The following NWD1 variants were observed in gnomAD, a reference collection of about 807,000 sequenced individuals.
NWD1 encodes the protein NACHT and WD repeat domain containing 1, also known as NACHT domain- and WD repeat-containing protein 1.
NWD1 carries 129 observed loss-of-function variants against 135.1 expected under a neutral mutation model. The observed-to-expected ratio is 0.96, with a 90% CI of 0.83 to 1.11. The LOEUF (loss-of-function observed/expected upper bound fraction) is 1.11. NWD1 is among the 50% of genes least tolerant of loss of function. The probability of loss-of-function intolerance (pLI) is 0.00; values close to 1 mark genes in which losing one functional copy is unlikely to be tolerated. For synonymous variants in NWD1, 773 were observed against 786.0 expected, an observed-to-expected ratio of 0.98 and a Z score of 0.28; for missense variants, 1,740 against 1,851.3, an observed-to-expected ratio of 0.94 and a Z score of 1.10.
chr19:16,746,962 C>T (rs967693633), intron 5 of NWD1, among the ~76,000 whole-genome samples: 1 of 151,964 alleles, frequency 6.6e-6, no homozygotes, highest in Non-Finnish European at 1.5e-5. Flanking sequence ...GTAGTTCAAG[C>T]CCATGTTCTT....
At chr19:16,745,537 T>C (rs1056744113) in intron 5 of NWD1, among the ~76,000 whole-genome samples, 2 of 148,454 alleles carry the variant, frequency 1.3e-5, no homozygotes, top group African/African-American at 5.0e-5. Context: ...GAGACCAGCC[T>C]GGGCAATATA....
chr19:16,721,889 T>C (rs1326377522), intron 1 of NWD1, among the ~76,000 whole-genome samples: 3 of 152,110 alleles, frequency 2.0e-5, no homozygotes, highest in African/African-American at 4.8e-5. Context: ...GGCAGGAGGA[T>C]GGCTTGAGGC....
rs752834055 is a variant in NWD1, at chr19:16,762,185, C to T, written c.2133+47C>T. ...TTCCCCACCTGCAACCTCCACCCTG[C>T]CTGGCATTGCTCACCTCCTTCCTTC... is the stretch of plus-strand genomic sequence containing the variant. On this transcript the variant is annotated intron_variant, in intron 8 of 18. Transcript: ENST00000524140. The T allele has an allele frequency of 1.1e-5, 17 of 1,565,596 alleles. No homozygotes were observed. In the East Asian group the frequency reaches 3.6e-4, roughly 34 times the overall value.
intron 7 of NWD1, among the ~76,000 whole-genome samples, chr19:16,760,482 G>T (rs1221179359): frequency 2.0e-5 from 3 of 151,836 alleles, no homozygotes; most frequent in Admixed American, 2.0e-4. Flanking sequence ...CTGGTCTCGA[G>T]CTCCTGGGCT....
At chr19:16,731,090 G>A (rs942111757) in intron 2 of NWD1, 102 bp from the exon 3 acceptor site, 2 of 644,736 alleles carry the variant, frequency 3.1e-6, no homozygotes, top group African/African-American at 1.9e-5. Flanking sequence ...ACAAAAAAGG[G>A]GAAAAAAGAC....
intron 16 of NWD1, 54 bp from the exon 17 acceptor site, chr19:16,799,832 A>G: frequency 6.6e-7 from 1 of 1,511,056 alleles, no homozygotes; most frequent in Non-Finnish European, 8.9e-7. Context: ...GTATTTCTGA[A>G]CTATAGTTGT....
intron 7 of NWD1, 55 bp downstream of exon 7, chr19:16,759,483 G>A (rs1968928838): frequency 7.5e-7 from 1 of 1,332,102 alleles, no homozygotes; most frequent in Non-Finnish European, 1.0e-6. Context: ...CCAAGAATGA[G>A]GACTCACTGG....
rs184957341 is a variant in NWD1 at position 16,808,136 on chromosome 19, G to T, written c.4287G>T (p.Thr1429=). Residue 1429 remains threonine, a splice_region_variant and synonymous_variant, in exon 18 of 19, where the codon ACG becomes ACT. Transcript: ENST00000524140. ...AGTGGAAATTCGAGATGAGCTACAC[G>T]GTGGGTGGCCCGCCTCCCCATGTTC... ...ARKWKFEMSY[T]APC 3.3e-5 allele frequency: 53 copies of T among 1,612,170 alleles called. No individual in the cohort carries two copies. In the East Asian group the frequency reaches 1.1e-3, roughly 34 times the overall value.
intron 10 of NWD1, among the ~76,000 whole-genome samples, chr19:16,770,399 T>C (rs1368223107): frequency 6.6e-6 from 1 of 152,108 alleles, no homozygotes; most frequent in Non-Finnish European, 1.5e-5. Flanking sequence ...CCACCGTGAT[T>C]GTAAGTTTCC....
chr19:16,748,850 T>G (rs377278485), intron 5 of NWD1, among the ~76,000 whole-genome samples: 10 of 150,376 alleles, frequency 6.7e-5, no homozygotes, highest in Admixed American at 1.3e-4. Context: ...AGAAGAAGAA[T>G]AAGAGTAATG....
chr19:16,763,603 T>C (rs556219419), intron 8 of NWD1, among the ~76,000 whole-genome samples: 1 of 152,296 alleles, frequency 6.6e-6, no homozygotes, highest in South Asian at 2.1e-4. Context: ...AAACATTCCC[T>C]ATTCCTCCCA....
In NWD1 at chr19:16,779,320, C is replaced by T. The variant is rs755023343; in HGVS notation, c.2609-23C>T. ...TTGGACACAGGAACTGAGATCATTG[C>T]TGTTGCCTCTGTGTGGCTGCAGGCA... is the stretch of plus-strand genomic sequence containing the variant. On this transcript the variant is annotated intron_variant, in intron 11 of 18. Transcript: ENST00000524140. The T allele has an allele frequency of 3.7e-6, 6 of 1,613,246 alleles. No individual in the cohort carries two copies. The South Asian group carries it at 6.6e-5, about 18-fold the overall frequency.
At chr19:16,737,236 C>A (rs1317508195) in intron 4 of NWD1, among the ~76,000 whole-genome samples, 1 of 152,042 alleles carries the variant, frequency 6.6e-6, no homozygotes, top group African/African-American at 2.4e-5. Context: ...ATGGTTTTGG[C>A]TATTAAAATT....
rs1481917443 is a variant in NWD1 at position 16,759,292 on chromosome 19, T to C, written c.1837T>C (p.Tyr613His). The C allele has an allele frequency of 1.2e-6, 2 of 1,614,036 alleles. No homozygotes were observed. Among genetic ancestry groups the C allele is most frequent in the East Asian group, 4.5e-5 (2 of 44,890 alleles). The stretch of plus-strand genomic sequence containing the variant: ...GGACGACGAGGTCCTGCAGGATGTG[T>C]ACCGAGATTGGACCCCGCCCAGCAA... ...SLDDEVLQDV[Y>H]RDWTPPSKEL... The change falls in exon 7 of 19, where the codon TAC (tyrosine) becomes CAC (histidine). Residue 613 changes from tyrosine to histidine, a missense_variant. Coordinates refer to ENST00000524140, the MANE Select transcript of NWD1 (RefSeq NM_001007525.5).
chr19:16,763,950 G>T lies in NWD1; in HGVS notation c.2251+5G>T. On this transcript the variant is annotated splice_donor_5th_base_variant and intron_variant, in intron 9 of 18. Coordinates refer to ENST00000524140, the MANE Select transcript of NWD1 (RefSeq NM_001007525.5). ...AGCTGAAACAGGAGGTTCTGGGTAA[G>T]GGCTGCCCCCCATCTCAGAGGACCG... is the stretch of plus-strand genomic sequence containing the variant. 1 of 1,573,132 alleles carries T rather than the reference G, an allele frequency of 6.4e-7. No homozygotes were observed. Among genetic ancestry groups the T allele is most frequent in the Non-Finnish European group, 8.8e-7 (1 of 1,142,816 alleles).
chr19:16,762,471 AT>A (rs1180557927), intron 8 of NWD1, among the ~76,000 whole-genome samples: 1 of 151,370 alleles, frequency 6.6e-6, no homozygotes, highest in Non-Finnish European at 1.5e-5. Context: ...TAATTTTTGT[AT>A]TTTTAGTAGA....
At chr19:16,775,202 T>C (rs1200460738) in intron 11 of NWD1, among the ~76,000 whole-genome samples, 1 of 152,048 alleles carries the variant, frequency 6.6e-6, no homozygotes, top group African/African-American at 2.4e-5. Flanking sequence ...GGAGTTGATT[T>C]AGGGGCAGCC....
At chr19:16,730,969 C>T (rs967152375) in intron 2 of NWD1, among the ~76,000 whole-genome samples, 5 of 137,330 alleles carry the variant, frequency 3.6e-5, no homozygotes, top group South Asian at 2.2e-4. Context: ...GCAGGCCAGG[C>T]GCAGTGGCTC....
chr19:16,745,524 T>A (rs537212136), intron 5 of NWD1, among the ~76,000 whole-genome samples: 14 of 151,040 alleles, frequency 9.3e-5, no homozygotes, highest in African/African-American at 3.2e-4. Context: ...AGTTCAGGAG[T>A]TCGAGACCAG....
Sources: allele counts gnomAD v4.1 joint callset (sites outside exome capture counted in the v4.1 genomes callset), GRCh38; gene constraint gnomAD v4.1.1; transcripts MANE v1.5; gene names NCBI Gene and HGNC (gene_info 2026-07-23, HGNC 2026-07-21).